ASTN2: variants seen among roughly 807,000 people sequenced by gnomAD.
ASTN2 encodes astrotactin-2.
In ASTN2, 54 loss-of-function variants were observed where a neutral mutation model predicts 139.8. The ratio of observed to expected loss-of-function variants is 0.39; its 90% CI spans 0.31 to 0.48. ASTN2 has a LOEUF of 0.48. ASTN2 is among the 20% of genes least tolerant of loss of function. The pLI, the probability that ASTN2 is intolerant of heterozygous loss-of-function variation, is 0.95. For synonymous variants in ASTN2, 756 were observed against 719.5 expected (o/e 1.05, Z -0.81); for missense variants, 1,565 against 1,725.1 (o/e 0.91, Z 1.64).
intron 13 of ASTN2, among the ~76,000 whole-genome samples, chr9:116,746,543 A>C (rs914268134): frequency 6.6e-6 from 1 of 151,986 alleles, no homozygotes; most frequent in Non-Finnish European, 1.5e-5. Context: ...TTCCACCTGC[A>C]CTCTGAATGT....
intron 2 of ASTN2, among the ~76,000 whole-genome samples, chr9:117,240,466 C>T (rs977720856): frequency 6.6e-6 from 1 of 152,150 alleles, no homozygotes; most frequent in Non-Finnish European, 1.5e-5. Flanking sequence ...ATGGGTTACA[C>T]TTGGCATGCC....
intron 1 of ASTN2, among the ~76,000 whole-genome samples, chr9:117,365,113 C>A (rs1368071664): frequency 6.6e-6 from 1 of 151,368 alleles, no homozygotes; most frequent in Non-Finnish European, 1.5e-5. Flanking sequence ...CACTTCACTG[C>A]ACTCCAGCCT....
chr9:117,130,571 C>A (rs73657669), intron 4 of ASTN2, among the ~76,000 whole-genome samples: 1 of 152,092 alleles, frequency 6.6e-6, no homozygotes, highest in Non-Finnish European at 1.5e-5. Context: ...GGCTTCCTTT[C>A]TTTACTTTTG....
chr9:117,194,959 CAT>C (rs1831455323), intron 3 of ASTN2, among the ~76,000 whole-genome samples: 1 of 434 alleles, frequency 2.3e-3, no homozygotes, highest in Non-Finnish European at 7.5e-3. Context: ...TCAGTCCATT[CAT>C]TCATTCATTC....
intron 1 of ASTN2, among the ~76,000 whole-genome samples, chr9:117,336,638 A>G (rs1828892353): frequency 6.6e-6 from 1 of 152,206 alleles, no homozygotes; most frequent in Non-Finnish European, 1.5e-5. Flanking sequence ...ACTCACTGCC[A>G]TGAAGGTTCT....
intron 13 of ASTN2, among the ~76,000 whole-genome samples, chr9:116,759,205 G>C (rs1025883623): frequency 1.3e-5 from 2 of 152,142 alleles, no homozygotes; most frequent in Non-Finnish European, 2.9e-5. Flanking sequence ...ATCTATCATA[G>C]ACTCTACCAC....
intron 4 of ASTN2, among the ~76,000 whole-genome samples, chr9:117,122,647 T>C (rs778406867): frequency 6.6e-6 from 1 of 152,136 alleles, no homozygotes; most frequent in Non-Finnish European, 1.5e-5. Flanking sequence ...GCTAGGGGCT[T>C]GACAGAGAAA....
chr9:117,295,861 T>C (rs554814889), intron 1 of ASTN2, among the ~76,000 whole-genome samples: 142 of 152,082 alleles, frequency 9.3e-4, no homozygotes, highest in African/African-American at 3.2e-3. Flanking sequence ...GGTAGGAGCA[T>C]TGCAGAGGAT....
chr9:116,437,448 G>A (rs10983157), intron 22 of ASTN2: 105,261 of 471,198 alleles, frequency 0.22, 13,964 homozygotes, highest in Admixed American at 0.42. Flanking sequence ...GGGGAGGTTC[G>A]CAGACAGTGG....
intron 7 of ASTN2, among the ~76,000 whole-genome samples, chr9:116,998,260 T>C (rs1588468691): frequency 6.6e-6 from 1 of 152,142 alleles, no homozygotes. Flanking sequence ...TCATGGAGGA[T>C]ATCCCCAGTT....
At position 116,453,593 on chromosome 9, in the gene ASTN2, C is replaced by CAAAAAAAAAAAAAAAAA. The variant is rs386416019; in HGVS notation, c.3498-11057_3498-11041dup. ...TGGGCAAAAGTGCGAGACTCCGTCT[C>CAAAAAAAAAAAAAAAAA]AAAAAAAAAAAAAAAAAAAAAAAAA... On this transcript the variant is annotated intron_variant, in intron 20 of 22. Coordinates refer to ENST00000313400, the MANE Select transcript of ASTN2 (RefSeq NM_001365068.1). Among the ~76,000 whole-genome samples the CAAAAAAAAAAAAAAAAA allele has an allele frequency of 1.5e-4, 9 of 58,794 alleles. No homozygotes were observed. The East Asian group carries it at 2.8e-3, about 19-fold the overall frequency. 38.6% of individuals were successfully genotyped at this position (58,794 alleles called of 152,430 possible). A position where few individuals can be genotyped will look rare whatever the true frequency, so the allele number is the denominator to read the frequency against.
intron 1 of ASTN2, among the ~76,000 whole-genome samples, chr9:117,328,323 ATCTC>A (rs886073783): frequency 4.3e-4 from 65 of 152,272 alleles, no homozygotes; most frequent in African/African-American, 1.6e-3. Flanking sequence ...AATGTGCAGA[ATCTC>A]TCAGCCTAGG....
intron 20 of ASTN2, among the ~76,000 whole-genome samples, chr9:116,457,348 C>A (rs1848363291): frequency 6.6e-6 from 1 of 151,914 alleles, no homozygotes; most frequent in East Asian, 1.9e-4. Flanking sequence ...AAAAAATGAA[C>A]AAATGGGATG....
Position 116,698,848 on chromosome 9 carries a change from GA to G in ASTN2, c.2806+26922del, listed in dbSNP as rs759376012. On this transcript the variant is annotated intron_variant, in intron 16 of 22. Coordinates refer to ENST00000313400, the MANE Select transcript of ASTN2 (RefSeq NM_001365068.1). The surrounding 1 kb of genome is among the most constrained non-coding windows in gnomAD (Gnocchi z 4.4). ...ATGGGGGCCAAAGGCAGCACTCCAG[GA>G]ATGTTCAATCTTCCAGTCAGTCTCT... is the stretch of plus-strand genomic sequence containing the variant. 2.1e-5 allele frequency: 34 copies of G among 1,614,202 alleles called. No homozygotes were observed. Among genetic ancestry groups the G allele is most frequent in the Non-Finnish European group, 2.9e-5 (34 of 1,180,046 alleles).
chr9:116,504,861 C>A (rs976206), intron 19 of ASTN2, among the ~76,000 whole-genome samples: 133,117 of 144,016 alleles, frequency 0.92, 61,578 homozygotes, highest in Admixed American at 0.94. Context: ...GTACCACTGC[C>A]CTCTAGCCTG....
At chr9:116,615,693 G>C (rs1345660765) in intron 19 of ASTN2, among the ~76,000 whole-genome samples, 12 of 149,324 alleles carry the variant, frequency 8.0e-5, no homozygotes, top group Non-Finnish European at 1.6e-4. Flanking sequence ...CTTGGACATA[G>C]GGTGGGGAAC....
intron 4 of ASTN2, among the ~76,000 whole-genome samples, chr9:117,097,878 T>C (rs533024327): frequency 2.6e-5 from 4 of 152,348 alleles, no homozygotes; most frequent in East Asian, 1.9e-4. Flanking sequence ...ATTCATTCTT[T>C]CTAGCAACAT....
At chr9:116,893,986 A>G (rs1306344555) in intron 10 of ASTN2, among the ~76,000 whole-genome samples, 3 of 152,094 alleles carry the variant, frequency 2.0e-5, no homozygotes, top group African/African-American at 7.2e-5. Flanking sequence ...TCGCCACACA[A>G]TGGCCTGGGT....
intron 1 of ASTN2, among the ~76,000 whole-genome samples, chr9:117,358,719 T>C (rs1363113985): frequency 3.3e-5 from 5 of 152,148 alleles, no homozygotes; most frequent in African/African-American, 1.2e-4. Context: ...AGAAAGTTCA[T>C]GGGCTGCTGG....
Sources: allele counts gnomAD v4.1 joint callset (sites outside exome capture counted in the v4.1 genomes callset), GRCh38; gene constraint gnomAD v4.1.1; non-coding constraint Gnocchi (gnomAD v3.1); transcripts MANE v1.5; gene names NCBI Gene and HGNC (gene_info 2026-07-23, HGNC 2026-07-21).